Variants in PDE3B observed in about 807,000 individuals in gnomAD.
The protein encoded by PDE3B is cGMP-inhibited 3',5'-cyclic phosphodiesterase 3B.
A neutral mutation model predicts 116.8 loss-of-function variants in PDE3B; 66 were observed. That is an observed-to-expected ratio of 0.56 (90% confidence interval 0.46 to 0.69). The LOEUF (loss-of-function observed/expected upper bound fraction) is 0.69, where lower values mean the gene tolerates loss of function less well. Among genes scored for constraint, PDE3B ranks in the 30% least tolerant of loss-of-function variants. The probability of loss-of-function intolerance (pLI) is 0.00; values close to 1 mark genes in which losing one functional copy is unlikely to be tolerated. For synonymous variants in PDE3B, 595 were observed against 533.6 expected (o/e 1.12, Z -1.59); for missense variants, 1,384 against 1,368.1 (o/e 1.01, Z -0.18).
chr11:14,746,258 G>A (rs1856907633), intron 1 of PDE3B, among the ~76,000 whole-genome samples: 1 of 152,114 alleles, frequency 6.6e-6, no homozygotes. Context: ...GCTGGGCGTG[G>A]TGGCATTCAC....
chr11:14,734,542 C>T lies in PDE3B; in HGVS notation c.979-37395C>T, dbSNP rs1456922861. ...TTGTGTAAAGTTAGCACTTCTAAAA[C>T]AATACTCTCAGCATGTATTGCATGA... On this transcript the variant is annotated intron_variant, in intron 1 of 15. Coordinates refer to ENST00000282096, the MANE Select transcript of PDE3B (RefSeq NM_000922.4). Among the ~76,000 whole-genome samples the T allele has an allele frequency of 2.0e-5, 3 of 152,146 alleles. No individual in the cohort carries two copies. The East Asian group carries it at 5.8e-4, about 29-fold the overall frequency.
chr11:14,674,540 C>T, intron 1 of PDE3B: 1 of 470,430 alleles, frequency 2.1e-6, no homozygotes, highest in Middle Eastern at 7.3e-4. Flanking sequence ...GGCTTTGGGT[C>T]CTGTTTTGAA....
chr11:14,824,106 C>T (rs1037045541), intron 7 of PDE3B, among the ~76,000 whole-genome samples: 4 of 152,194 alleles, frequency 2.6e-5, no homozygotes, highest in African/African-American at 9.7e-5. Flanking sequence ...CCTCACTTCT[C>T]CTCTCAACCT....
Position 14,869,658 on chromosome 11 carries a change from T to C in PDE3B, c.3337T>C (p.Ter1113GlnextTer5), listed in dbSNP as rs782707825. Residue 1113 changes from the stop codon to glutamine (Q), a stop_lost, in exon 16 of 16, where the codon TAG becomes CAG. Coordinates refer to ENST00000282096, the MANE Select transcript of PDE3B (RefSeq NM_000922.4). ...QVIEEADEEE[*>Q] ...AATTGAAGAGGCAGATGAAGAGGAA[T>C]AGCGACAGTTTGAGTAAAAGAAAAG... 9 of 1,612,772 alleles carry C rather than the reference T, an allele frequency of 5.6e-6. No individual in the cohort carries two copies. The highest frequency in any genetic ancestry group is 2.2e-5 in the South Asian group (2 of 90,994).
chr11:14,896,749 A>G, the PDE3B span, among the ~76,000 whole-genome samples: 1 of 152,236 alleles, frequency 6.6e-6, no homozygotes, highest in Non-Finnish European at 1.5e-5. Context: ...AAAGGAAAGT[A>G]ACAAAATCCT....
At chr11:14,787,182 A>G (rs1199493427) in intron 3 of PDE3B, among the ~76,000 whole-genome samples, 1 of 151,956 alleles carries the variant, frequency 6.6e-6, no homozygotes, top group African/African-American at 2.4e-5. Flanking sequence ...TGATTTTTAT[A>G]TCATTAGAAT....
chr11:14,805,105 G>A (rs923251191), intron 5 of PDE3B, among the ~76,000 whole-genome samples: 5 of 152,022 alleles, frequency 3.3e-5, no homozygotes, highest in Admixed American at 6.6e-5. Flanking sequence ...GAATAACTTC[G>A]CAAAACTAAT....
chr11:14,830,855 TAA>T lies in PDE3B; in HGVS notation c.1956+11_1956+12del, dbSNP rs1859863443. The T allele has an allele frequency of 8.8e-6, 13 of 1,478,568 alleles. No homozygotes were observed. Among genetic ancestry groups the T allele is most frequent in the Non-Finnish European group, 1.2e-5 (13 of 1,115,826 alleles). The allele number at this position is 1,478,568 out of a possible 1,614,324, so 91.6% of individuals were successfully genotyped here. A position where few individuals can be genotyped will look rare whatever the true frequency, so the allele number is the denominator to read the frequency against. On this transcript the variant is annotated intron_variant, in intron 8 of 15. Transcript: ENST00000282096. Reference sequence around the variant, plus strand: ...GTGAACAGCAAACAAATGTAAAAGATAAACTTTCAATATGATTATGTTAAGGT... The same window carrying T: ...GTGAACAGCAAACAAATGTAAAAGATACTTTCAATATGATTATGTTAAGGT...
chr11:14,861,120 T>G, intron 13 of PDE3B, 85 bp from the exon 14 acceptor site: 1 of 1,019,264 alleles, frequency 9.8e-7, no homozygotes, highest in Non-Finnish European at 1.5e-6. Context: ...GGAAACAGTT[T>G]TAAGATAATT....
intron 1 of PDE3B, among the ~76,000 whole-genome samples, chr11:14,707,053 A>G (rs866693336): frequency 2.6e-5 from 4 of 151,880 alleles, no homozygotes; most frequent in African/African-American, 9.7e-5. Flanking sequence ...GATACTGGGG[A>G]GGAAAGATTG....
At chr11:14,880,526 C>A in the PDE3B span, 1 of 1,613,482 alleles carries the variant, frequency 6.2e-7, no homozygotes, top group Non-Finnish European at 8.5e-7. Flanking sequence ...AAATCGGTGT[C>A]TTCATAAGTG....
At chr11:14,883,670 C>G in the PDE3B span, among the ~76,000 whole-genome samples, 6 of 152,062 alleles carry the variant, frequency 3.9e-5, no homozygotes, top group Admixed American at 3.9e-4. Context: ...CAACAAAAGA[C>G]AAAATTGACA....
intron 4 of PDE3B, among the ~76,000 whole-genome samples, chr11:14,798,566 T>G (rs1279242922): frequency 1.3e-5 from 2 of 151,974 alleles, no homozygotes; most frequent in Non-Finnish European, 2.9e-5. Flanking sequence ...GGTCCTGGAC[T>G]TTTTTTTGGT....
intron 1 of PDE3B, among the ~76,000 whole-genome samples, chr11:14,665,857 C>T (rs1854122873): frequency 1.3e-5 from 2 of 152,000 alleles, no homozygotes; most frequent in Admixed American, 1.3e-4. Flanking sequence ...GCCATACTGC[C>T]CAAGGTAATT....
At chr11:14,885,640 A>G in the PDE3B span, 2 of 936,218 alleles carry the variant, frequency 2.1e-6, no homozygotes, top group East Asian at 2.6e-5. Context: ...AAGGTCCTCA[A>G]ATACTAGGTT....
chr11:14,704,684 A>C (rs1174565825), intron 1 of PDE3B, among the ~76,000 whole-genome samples: 1 of 151,718 alleles, frequency 6.6e-6, no homozygotes, highest in African/African-American at 2.4e-5. Context: ...GTGCTGGAAA[A>C]ACTGTATAAT....
intron 1 of PDE3B, among the ~76,000 whole-genome samples, chr11:14,747,451 G>C (rs1231196716): frequency 6.6e-6 from 1 of 152,176 alleles, no homozygotes; most frequent in African/African-American, 2.4e-5. Context: ...ATGAAAGTGA[G>C]TGAGTACTAG....
rs929246201 is a variant in PDE3B at position 14,747,676 on chromosome 11, G to A, written c.979-24261G>A. On this transcript the variant is annotated intron_variant, in intron 1 of 15. Coordinates refer to ENST00000282096, the MANE Select transcript of PDE3B (RefSeq NM_000922.4). The stretch of plus-strand genomic sequence containing the variant: ...AATCAAGCAACCAAAATGTAGTGGT[G>A]ATGGTGGGATGTGTGTGTATTGGGG... 7.2e-5 allele frequency among the ~76,000 whole-genome samples: 11 copies of A among 152,194 alleles called. No individual in the cohort carries two copies. In the East Asian group the frequency reaches 2.1e-3, roughly 29 times the overall value.
chr11:14,833,942 A>G (rs1859976180), intron 10 of PDE3B, among the ~76,000 whole-genome samples: 1 of 152,338 alleles, frequency 6.6e-6, no homozygotes, highest in South Asian at 2.1e-4. Flanking sequence ...TGTCAGCTTC[A>G]GTTAGGATAC....
Sources: allele counts gnomAD v4.1 joint callset (sites outside exome capture counted in the v4.1 genomes callset), GRCh38; gene constraint gnomAD v4.1.1; transcripts MANE v1.5; gene names NCBI Gene and HGNC (gene_info 2026-07-23, HGNC 2026-07-21).